Variants in FCHSD2 observed in about 807,000 individuals in gnomAD.
FCHSD2 encodes FCH and double SH3 domains 2.
In FCHSD2, 38 loss-of-function variants were observed where a neutral mutation model predicts 108.1. The observed-to-expected ratio is 0.35, with a 90% CI of 0.27 to 0.46. The LOEUF is 0.46. Among genes scored for constraint, FCHSD2 ranks in the 20% least tolerant of loss-of-function variants. FCHSD2 has a pLI of 1.00. For synonymous variants in FCHSD2, 279 were observed against 314.7 expected (o/e 0.89, Z 1.20); for missense variants, 751 against 897.8 (o/e 0.84, Z 2.09).
intron 3 of FCHSD2, among the ~76,000 whole-genome samples, chr11:73,049,319 A>G (rs150900658): frequency 6.6e-6 from 1 of 152,106 alleles, no homozygotes; most frequent in Non-Finnish European, 1.5e-5. Flanking sequence ...ACCCACAACA[A>G]TATTAAATTT....
chr11:73,129,833 A>G (rs1484921876), intron 2 of FCHSD2, among the ~76,000 whole-genome samples: 1 of 150,498 alleles, frequency 6.6e-6, no homozygotes, highest in African/African-American at 2.5e-5. Context: ...TTGTTCCGAT[A>G]TATCACACCT....
intron 13 of FCHSD2, among the ~76,000 whole-genome samples, chr11:72,857,387 A>G (rs1861452148): frequency 6.6e-6 from 1 of 150,690 alleles, no homozygotes; most frequent in Admixed American, 6.6e-5. Flanking sequence ...TATTCTTTCT[A>G]GCCATACTAA....
At chr11:73,102,923 C>G (rs756737959) in intron 2 of FCHSD2, among the ~76,000 whole-genome samples, 2 of 152,052 alleles carry the variant, frequency 1.3e-5, no homozygotes, top group Non-Finnish European at 2.9e-5. Context: ...AAAAAGAAAA[C>G]TAAATATTAA....
chr11:73,057,254 G>GT (rs1859047489), intron 3 of FCHSD2, among the ~76,000 whole-genome samples: 1 of 152,072 alleles, frequency 6.6e-6, no homozygotes, highest in African/African-American at 2.4e-5. Flanking sequence ...TAAGTGACCG[G>GT]CATAGTACCT....
intron 7 of FCHSD2, among the ~76,000 whole-genome samples, chr11:72,984,711 G>A (rs1452849685): frequency 6.6e-6 from 1 of 152,168 alleles, no homozygotes; most frequent in Non-Finnish European, 1.5e-5. Flanking sequence ...ACTCACATCT[G>A]GCCCAGAATA....
chr11:73,072,581 A>C (rs548038848), intron 3 of FCHSD2, among the ~76,000 whole-genome samples: 72 of 152,322 alleles, frequency 4.7e-4, no homozygotes, highest in Admixed American at 1.3e-3. Flanking sequence ...TAAGATTTTA[A>C]AAAGTAATTT....
intron 6 of FCHSD2, among the ~76,000 whole-genome samples, chr11:72,987,287 C>T (rs1857329000): frequency 6.6e-6 from 1 of 152,186 alleles, no homozygotes; most frequent in African/African-American, 2.4e-5. Flanking sequence ...ATCCAAACAT[C>T]ACTTCTTCTA....
intron 3 of FCHSD2, 104 bp downstream of exon 3, chr11:73,083,591 A>G: frequency 1.5e-6 from 1 of 655,786 alleles, no homozygotes. Flanking sequence ...ATAACAAGAA[A>G]AGGAAGGCAT....
At chr11:72,951,717 T>C (rs996090938) in intron 8 of FCHSD2, among the ~76,000 whole-genome samples, 9 of 152,190 alleles carry the variant, frequency 5.9e-5, no homozygotes, top group African/African-American at 2.2e-4. Flanking sequence ...AAACAAAATT[T>C]TTCTTCCTAA....
chr11:73,114,422 A>G (rs1010803733), intron 2 of FCHSD2, among the ~76,000 whole-genome samples: 3 of 151,852 alleles, frequency 2.0e-5, no homozygotes, highest in African/African-American at 7.3e-5. Context: ...TTGGTGCTCT[A>G]CCCAACTGTG....
intron 8 of FCHSD2, among the ~76,000 whole-genome samples, chr11:72,964,039 T>C (rs1009371163): frequency 2.0e-5 from 3 of 152,322 alleles, no homozygotes; most frequent in African/African-American, 7.2e-5. Context: ...AACTAATCCC[T>C]GAAGGAATAA....
intron 3 of FCHSD2, among the ~76,000 whole-genome samples, chr11:73,036,338 C>A (rs912396336): frequency 2.6e-5 from 4 of 151,598 alleles, no homozygotes; most frequent in African/African-American, 9.7e-5. Context: ...AAAAAAAAAC[C>A]CAAGCTTCAT....
Position 73,051,912 on chromosome 11 carries a change from CACA to C in FCHSD2, c.165+31780_165+31782del, listed in dbSNP as rs1565386270. On this transcript the variant is annotated intron_variant, in intron 3 of 19. Coordinates refer to ENST00000409418, the MANE Select transcript of FCHSD2 (RefSeq NM_014824.3). ...ACACACACACACACACACACACACA[CACA>C]CCCCACACACACTGACATCAGGGAA... Among the ~76,000 whole-genome samples, 694 of 135,862 alleles carry C rather than the reference CACA, an allele frequency of 5.1e-3. 4 individuals are homozygous for C. Among genetic ancestry groups the C allele is most frequent in the Admixed American group, 0.014 (202 of 13,940 alleles). The allele number at this position is 135,862 out of a possible 152,430, so 89.1% of individuals were successfully genotyped here. A position where few individuals can be genotyped will look rare whatever the true frequency, so the allele number is the denominator to read the frequency against.
At chr11:73,086,462 T>C (rs1321891313) in intron 2 of FCHSD2, among the ~76,000 whole-genome samples, 1 of 151,960 alleles carries the variant, frequency 6.6e-6, no homozygotes, top group Non-Finnish European at 1.5e-5. Flanking sequence ...ACAGCCTAAC[T>C]TTACAACTTA....
At chr11:73,084,313 T>C (rs1307178160) in intron 2 of FCHSD2, among the ~76,000 whole-genome samples, 1 of 152,226 alleles carries the variant, frequency 6.6e-6, no homozygotes, top group Non-Finnish European at 1.5e-5. Context: ...ACAAGGCCAC[T>C]ACAAATTGTG....
intron 2 of FCHSD2, among the ~76,000 whole-genome samples, chr11:73,109,699 T>C (rs559792850): frequency 1.9e-4 from 29 of 152,170 alleles, no homozygotes; most frequent in Non-Finnish European, 3.7e-4. Flanking sequence ...TTCTTTCTCT[T>C]GTCTGACTGC....
chr11:72,884,152 A>C (rs1855148380), intron 12 of FCHSD2, among the ~76,000 whole-genome samples: 1 of 152,084 alleles, frequency 6.6e-6, no homozygotes, highest in Non-Finnish European at 1.5e-5. Context: ...ATGTGATGAA[A>C]AACATCACAT....
intron 2 of FCHSD2, among the ~76,000 whole-genome samples, chr11:73,136,874 AC>A (rs764733987): frequency 3.9e-5 from 6 of 152,108 alleles, no homozygotes; most frequent in Admixed American, 2.0e-4. Flanking sequence ...TACTAACAAT[AC>A]AAAAAAATTA....
At chr11:72,845,856 T>G (rs1401725027) in intron 14 of FCHSD2, among the ~76,000 whole-genome samples, 1 of 152,208 alleles carries the variant, frequency 6.6e-6, no homozygotes, top group African/African-American at 2.4e-5. Context: ...CCTTTGAACC[T>G]CAGTTTTCTT....
Sources: gnomAD v4.1 joint callset for allele counts (sites outside exome capture counted in the v4.1 genomes callset) on GRCh38, gnomAD v4.1.1 for gene constraint, MANE v1.5 for transcripts, NCBI Gene and HGNC (gene_info 2026-07-23, HGNC 2026-07-21) for gene names.